The following RABL2B variants were observed in gnomAD, a reference collection of about 807,000 sequenced individuals.
RABL2B encodes the protein rab-like protein 2B.
Under a neutral mutation model 26.7 loss-of-function variants are expected in RABL2B, and 17 were observed. The ratio of observed to expected loss-of-function variants is 0.64; its 90% CI spans 0.44 to 0.95. The LOEUF (loss-of-function observed/expected upper bound fraction) is 0.95. RABL2B is among the 40% of genes least tolerant of loss of function. RABL2B has a pLI of 0.00. For missense variants in RABL2B, 170 were observed against 277.2 expected, an observed-to-expected ratio of 0.61 and a Z score of 2.75; for synonymous variants, 70 against 103.9, an observed-to-expected ratio of 0.67 and a Z score of 1.99.
intron 5 of RABL2B, 117 bp downstream of exon 5, chr22:50,775,655 C>G: frequency 9.2e-7 from 1 of 1,085,188 alleles, no homozygotes; most frequent in Non-Finnish European, 1.4e-6. Flanking sequence ...CCGGGTGACC[C>G]TAAGCCCCCC....
In RABL2B at chr22:50,768,612, C is replaced by T. The variant is rs1569140267; in HGVS notation, c.*164G>A. 5 of 1,456,726 alleles carry T rather than the reference C, an allele frequency of 3.4e-6. No homozygotes were observed. 90.2% of individuals were successfully genotyped at this position (1,456,726 alleles called of 1,614,324 possible). ...CAGTCCAGAGTTTGCTGGTGCTGACCTCATCCCTGTATCACGGGCCTAGAA... is the reference window on the plus strand; with the variant it reads ...CAGTCCAGAGTTTGCTGGTGCTGACTTCATCCCTGTATCACGGGCCTAGAA... On this transcript the variant is annotated 3_prime_UTR_variant, in exon 9 of 9. Transcript: ENST00000691320.
At position 50,767,552 on chromosome 22, in the gene RABL2B, A is replaced by G. The variant is rs782811398; in HGVS notation, c.*1224T>C. 2 of 337,068 alleles carry G rather than the reference A, an allele frequency of 5.9e-6. No homozygotes were observed. Among genetic ancestry groups the G allele is most frequent in the Non-Finnish European group, 1.2e-5 (2 of 173,112 alleles). 20.9% of individuals were successfully genotyped at this position (337,068 alleles called of 1,614,324 possible). On this transcript the variant is annotated 3_prime_UTR_variant, in exon 9 of 9. Transcript: ENST00000691320. Reference sequence around the variant, plus strand: ...TGTAAAAAAGGAAACAACAAAAACAAAACCCTATTAATAAACACAATGCAA... The same window carrying G: ...TGTAAAAAAGGAAACAACAAAAACAGAACCCTATTAATAAACACAATGCAA...
At chr22:50,777,740 C>T (rs1190256134) in intron 3 of RABL2B, 13 of 680,190 alleles carry the variant, frequency 1.9e-5, no homozygotes, top group Non-Finnish European at 3.5e-5. Flanking sequence ...TAAAACAATC[C>T]AAATATGAGT....
rs2083613025 is a variant in RABL2B, at chr22:50,767,785, A to T, written c.*991T>A. On this transcript the variant is annotated 3_prime_UTR_variant, in exon 9 of 9. Transcript: ENST00000691320. ...CTCTTCTTGTAGTCCAAATGGACGT[A>T]CCTTGTGGTATGGCTGTAAGGACTC... 6 of 453,124 alleles carry T rather than the reference A, an allele frequency of 1.3e-5. No homozygotes were observed. The highest frequency in any genetic ancestry group is 2.7e-5 in the Non-Finnish European group (6 of 226,042). 28.1% of individuals were successfully genotyped at this position (453,124 alleles called of 1,614,324 possible). A position where few individuals can be genotyped will look rare whatever the true frequency, so the allele number is the denominator to read the frequency against.
At chr22:50,770,637 A>G (rs1372271749) in intron 5 of RABL2B, 1 of 152,664 alleles carries the variant, frequency 6.6e-6, no homozygotes, top group Non-Finnish European at 1.5e-5. Context: ...TAGAAATTGT[A>G]AAAACTTTTG....
Position 50,768,799 on chromosome 22 carries a change from C to T in RABL2B, c.667G>A (p.Glu223Lys). ...QSSSIETPSE[E>K]AASPHS The stretch of plus-strand genomic sequence containing the variant: ...CCTCAGCTGTGGGGAGAGGCCGCCT[C>T]CTCTGATGGGGTCTCGATGCTGCTG... The change falls in exon 9 of 9, where the codon GAG (glutamate) becomes AAG (lysine). Residue 223 changes from glutamate to lysine, a missense_variant. Around this residue, in one of 2 missense-constraint regions of RABL2B, gnomAD observed 165 missense variants for 232.0 expected, o/e 0.71. Transcript: ENST00000691320. 1.2e-6 allele frequency: 2 copies of T among 1,613,898 alleles called. No homozygotes were observed. Among genetic ancestry groups the T allele is most frequent in the South Asian group, 2.2e-5 (2 of 91,072 alleles).
intron 5 of RABL2B, among the ~76,000 whole-genome samples, chr22:50,774,942 T>C (rs1162241651): frequency 2.0e-5 from 3 of 152,146 alleles, no homozygotes; most frequent in African/African-American, 7.2e-5. Context: ...CATGCCCGGC[T>C]AATTTTTTGT....
chr22:50,769,428 G>T (rs1406276856), intron 7 of RABL2B, 27 bp downstream of exon 7: 2 of 1,610,414 alleles, frequency 1.2e-6, no homozygotes, highest in Non-Finnish European at 1.7e-6. Flanking sequence ...CCCTGACCTT[G>T]CTAGCTACCT....
At chr22:50,770,767 T>C (rs144477623) in intron 5 of RABL2B, among the ~76,000 whole-genome samples, 3,505 of 152,176 alleles carry the variant, frequency 0.023, 109 homozygotes, top group African/African-American at 0.071. Flanking sequence ...TATTTACTTT[T>C]TAGAGACAGG....
chr22:50,769,416 C>T (rs782252555), intron 7 of RABL2B, 39 bp downstream of exon 7: 48 of 1,609,486 alleles, frequency 3.0e-5, no homozygotes, highest in African/African-American at 5.4e-5. Flanking sequence ...TACCACCTAG[C>T]GCCCTGACCT....
intron 2 of RABL2B, among the ~76,000 whole-genome samples, chr22:50,781,545 G>C (rs1555929235): frequency 1.3e-5 from 2 of 152,074 alleles, no homozygotes; most frequent in Non-Finnish European, 1.5e-5. Context: ...GGTGGGCCTG[G>C]AGTACTTGGG....
chr22:50,783,540 G>A lies in RABL2B; in HGVS notation c.-93C>T, dbSNP rs1452826540. 3 of 152,254 alleles carry A rather than the reference G, an allele frequency of 2.0e-5. No homozygotes were observed. Among genetic ancestry groups the A allele is most frequent in the African/African-American group, 7.2e-5 (3 of 41,476 alleles). The allele number at this position is 152,254 out of a possible 1,614,324, so 9.4% of individuals were successfully genotyped here. ...GAGGGCTGGAGAGACCAGGGACGCT[G>A]CGGGTCGGCCCCTCGGGCCCTGCCG... On this transcript the variant is annotated 5_prime_UTR_variant, in exon 1 of 9. Transcript: ENST00000691320.
At chr22:50,775,676 C>T (rs2084875087) in intron 5 of RABL2B, 96 bp downstream of exon 5, 1 of 1,349,322 alleles carries the variant, frequency 7.4e-7, no homozygotes, top group Admixed American at 1.8e-5. Context: ...TCCCACAACA[C>T]CCAGACTTGG....
At chr22:50,782,561 C>T (rs2086066700) in intron 1 of RABL2B, among the ~76,000 whole-genome samples, 1 of 152,126 alleles carries the variant, frequency 6.6e-6, no homozygotes, top group Non-Finnish European at 1.5e-5. Flanking sequence ...AATGCTGCTC[C>T]TCACGTTACC....
chr22:50,769,641 A>C, intron 6 of RABL2B, 89 bp from the exon 7 acceptor site: 3 of 1,590,734 alleles, frequency 1.9e-6, no homozygotes, highest in Non-Finnish European at 2.6e-6. Context: ...TTCATTCCAG[A>C]AAGTGGGATA....
intron 2 of RABL2B, among the ~76,000 whole-genome samples, chr22:50,779,113 T>A (rs1376653048): frequency 6.7e-6 from 1 of 150,340 alleles, no homozygotes; most frequent in African/African-American, 2.5e-5. Context: ...GAGAGATCCA[T>A]AAACTTGCCT....
At chr22:50,776,891 C>T (rs1449973889) in intron 3 of RABL2B, 142 bp from the exon 4 acceptor site, 14 of 1,457,404 alleles carry the variant, frequency 9.6e-6, no homozygotes, top group African/African-American at 2.8e-5. Context: ...ATGAATGTTG[C>T]AGACAGAGGA....
chr22:50,772,580 C>G (rs2084346415), intron 5 of RABL2B: 1 of 998,944 alleles, frequency 1.0e-6, no homozygotes, highest in South Asian at 4.4e-5. Context: ...TTTGTGCAAG[C>G]AACACGGTTC....
At chr22:50,771,289 T>G (rs1372156965) in intron 5 of RABL2B, 2 of 151,568 alleles carry the variant, frequency 1.3e-5, no homozygotes, top group African/African-American at 4.9e-5. Flanking sequence ...GGGATCTCCA[T>G]ATATGGAGTC....
Sources: allele counts gnomAD v4.1 joint callset (sites outside exome capture counted in the v4.1 genomes callset), GRCh38; gene constraint gnomAD v4.1.1; regional missense constraint gnomAD v4.1.1; transcripts MANE v1.5; gene names NCBI Gene and HGNC (gene_info 2026-07-23, HGNC 2026-07-21).